CIB1: variants seen among roughly 807,000 people sequenced by gnomAD.
The protein encoded by CIB1 is calcium and integrin-binding protein 1.
In CIB1, 19 loss-of-function variants were observed where a neutral mutation model predicts 25.0. The observed-to-expected ratio is 0.76, with a 90% CI of 0.53 to 1.12. CIB1 has a LOEUF of 1.12. CIB1 is among the 50% of genes most tolerant of loss of function. The pLI is 0.00. For synonymous variants in CIB1, 104 were observed against 98.5 expected (o/e 1.06, Z -0.33); for missense variants, 236 against 242.6 (o/e 0.97, Z 0.18).
the CIB1 span, chr15:90,257,537 A>T: frequency 8.7e-7 from 1 of 1,155,600 alleles, no homozygotes; most frequent in Non-Finnish European, 1.3e-6. Context: ...ACAGGAGACG[A>T]GAGATCCTCG....
At chr15:90,256,600 T>TC in the CIB1 span, among the ~76,000 whole-genome samples, 1 of 33,984 alleles carries the variant, frequency 2.9e-5, no homozygotes, top group Non-Finnish European at 5.6e-5. Flanking sequence ...TTTCTTTCTT[T>TC]CTTTCTTTCC....
At chr15:90,255,414 A>G in the CIB1 span, among the ~76,000 whole-genome samples, 1 of 152,054 alleles carries the variant, frequency 6.6e-6, no homozygotes. Flanking sequence ...GCTTTGTGCT[A>G]TCATGCATTA....
chr15:90,249,237 AGGG>A, the CIB1 span, among the ~76,000 whole-genome samples: 5 of 142,926 alleles, frequency 3.5e-5, no homozygotes, highest in African/African-American at 1.3e-4. Context: ...AAAAAAAAAA[AGGG>A]AGAATTGAGG....
At chr15:90,235,535 A>T (rs1962615407), upstream of CIB1, among the ~76,000 whole-genome samples, 1 of 152,064 alleles carries the variant, frequency 6.6e-6, no homozygotes, top group African/African-American at 2.4e-5. Flanking sequence ...ATAAAAAAAA[A>T]TAACTAGGGT....
At chr15:90,246,863 G>C in the CIB1 span, among the ~76,000 whole-genome samples, 1 of 146,904 alleles carries the variant, frequency 6.8e-6, no homozygotes, top group Non-Finnish European at 1.5e-5. Flanking sequence ...GCAAGAAATG[G>C]TGGTCGAGGT....
chr15:90,258,285 T>G, the CIB1 span: 5 of 1,612,378 alleles, frequency 3.1e-6, no homozygotes, highest in Non-Finnish European at 4.2e-6. Context: ...GATTATCTCC[T>G]AGGCTTTGCA....
At chr15:90,250,769 G>T in the CIB1 span, 17 of 1,614,126 alleles carry the variant, frequency 1.1e-5, no homozygotes, top group Non-Finnish European at 1.4e-5. Context: ...TGACTATAAG[G>T]CATTAAAAAA....
chr15:90,263,985 C>T, the CIB1 span: 1 of 1,536,092 alleles, frequency 6.5e-7, no homozygotes, highest in Non-Finnish European at 8.7e-7. Context: ...CGGCAGCCAT[C>T]AACTCCTGTT....
chr15:90,234,303 G>A (rs1276099634), upstream of CIB1: 1 of 167,928 alleles, frequency 6.0e-6, no homozygotes, highest in Non-Finnish European at 1.3e-5. Flanking sequence ...GTAGGTGGTG[G>A]CGGCGGCAGC....
chr15:90,233,635 CG>C, intron 2 of CIB1, 33 bp downstream of exon 2: 1 of 1,563,584 alleles, frequency 6.4e-7, no homozygotes, highest in South Asian at 1.2e-5. Context: ...TAGAGGATCC[CG>C]GGGTCGGAGG....
At chr15:90,259,065 A>C in the CIB1 span, 3 of 1,484,700 alleles carry the variant, frequency 2.0e-6, no homozygotes, top group South Asian at 2.6e-5. Flanking sequence ...TCATATTTGC[A>C]TTAAAAAAAT....
the CIB1 span, among the ~76,000 whole-genome samples, chr15:90,256,610 C>CTTTCTTTCTTTCTCT: frequency 4.9e-5 from 2 of 40,418 alleles, no homozygotes; most frequent in Admixed American, 3.3e-4. Flanking sequence ...TCTTTCTTTC[C>CTTTCTTTCTTTCTCT]TTCCTTCCTT....
At chr15:90,234,649 G>C (rs1024956706), upstream of CIB1, 1 of 152,190 alleles carries the variant, frequency 6.6e-6, no homozygotes, top group Non-Finnish European at 1.5e-5. Context: ...GGGTGTTAGT[G>C]ATTTTTCCGG....
the CIB1 span, chr15:90,251,485 A>C: frequency 7.0e-7 from 1 of 1,427,318 alleles, no homozygotes; most frequent in African/African-American, 1.4e-5. Flanking sequence ...AATTTGTTGG[A>C]TGTCTTTTCA....
the CIB1 span, chr15:90,257,857 T>C: frequency 1.0e-6 from 1 of 981,078 alleles, no homozygotes; most frequent in Non-Finnish European, 1.5e-6. Context: ...GTCCTGTGCC[T>C]GCACTTTGGA....
chr15:90,251,638 T>C, the CIB1 span: 2 of 1,596,276 alleles, frequency 1.3e-6, no homozygotes, highest in Admixed American at 3.3e-5. Flanking sequence ...CATAACATGG[T>C]GCCTACAGCT....
the CIB1 span, chr15:90,245,168 A>G: frequency 6.6e-6 from 1 of 152,236 alleles, no homozygotes; most frequent in Non-Finnish European, 1.5e-5. Flanking sequence ...ATGTGTCCAT[A>G]GCCCATTTTA....
the CIB1 span, among the ~76,000 whole-genome samples, chr15:90,248,063 G>A: frequency 2.3e-3 from 347 of 151,558 alleles, 4 homozygotes; most frequent in African/African-American, 8.0e-3. Flanking sequence ...TTTTAAATAC[G>A]AGTTCTCACT....
At chr15:90,243,270 G>C in the CIB1 span, 1 of 152,166 alleles carries the variant, frequency 6.6e-6, no homozygotes, top group Non-Finnish European at 1.5e-5. Context: ...CTGCCACCTT[G>C]AGCTTTCCTC....
Sources: allele counts gnomAD v4.1 joint callset (sites outside exome capture counted in the v4.1 genomes callset), GRCh38; gene constraint gnomAD v4.1.1; transcripts MANE v1.5; gene names NCBI Gene and HGNC (gene_info 2026-07-23, HGNC 2026-07-21).